The following FBXL7 variants were observed in gnomAD, a reference collection of about 807,000 sequenced individuals.
The protein encoded by FBXL7 is F-box and leucine rich repeat protein 7, also known as F-box/LRR-repeat protein 7.
FBXL7 carries 12 observed loss-of-function variants against 38.3 expected under a neutral mutation model. That is an observed-to-expected ratio of 0.31 (90% CI 0.20 to 0.51). The LOEUF (loss-of-function observed/expected upper bound fraction) is 0.51, where lower values mean the gene tolerates loss of function less well. Among genes scored for constraint, FBXL7 ranks in the 20% least tolerant of loss-of-function variants. FBXL7 has a pLI of 0.98. For synonymous variants in FBXL7, 297 were observed against 300.9 expected (o/e 0.99, Z 0.13); for missense variants, 567 against 676.4 (o/e 0.84, Z 1.79).
chr5:15,569,518 C>T (rs1414826653), intron 1 of FBXL7, among the ~76,000 whole-genome samples: 2 of 150,142 alleles, frequency 1.3e-5, no homozygotes, highest in African/African-American at 2.5e-5. Flanking sequence ...TCTAGATATA[C>T]AATCATGTCA....
rs892570233 is a variant in FBXL7 at position 15,939,426 on chromosome 5, G to A, written c.*2240G>A. Reference sequence around the variant, plus strand: ...AGATCCAGAGAATGAATCCCTGACCGCATCACCTAAACTGTCTTCCAAACA... The same window carrying A: ...AGATCCAGAGAATGAATCCCTGACCACATCACCTAAACTGTCTTCCAAACA... On this transcript the variant is annotated 3_prime_UTR_variant, in exon 4 of 4. Coordinates refer to ENST00000504595, the MANE Select transcript of FBXL7 (RefSeq NM_012304.5). 3 of 177,096 alleles carry A rather than the reference G, an allele frequency of 1.7e-5. No individual in the cohort carries two copies. The highest frequency in any genetic ancestry group is 1.4e-4 in the East Asian group (1 of 6,986). The allele number at this position is 177,096 out of a possible 1,614,324, so 11.0% of individuals were successfully genotyped here.
At chr5:15,659,102 A>T (rs1741977138) in intron 2 of FBXL7, among the ~76,000 whole-genome samples, 1 of 152,160 alleles carries the variant, frequency 6.6e-6, no homozygotes, top group South Asian at 2.1e-4. Flanking sequence ...TAAATTACAC[A>T]GTCTCGGATA....
intron 1 of FBXL7, among the ~76,000 whole-genome samples, chr5:15,576,971 A>C (rs1256063212): frequency 6.6e-6 from 1 of 152,228 alleles, no homozygotes; most frequent in Non-Finnish European, 1.5e-5. Context: ...CAAAGATTAA[A>C]ATTTTTTTAA....
intron 2 of FBXL7, among the ~76,000 whole-genome samples, chr5:15,789,821 C>G (rs1737227471): frequency 6.6e-6 from 1 of 152,188 alleles, no homozygotes. Flanking sequence ...GTAGGAAGAT[C>G]ATCACACCAG....
At chr5:15,776,195 C>T (rs1052598990) in intron 2 of FBXL7, among the ~76,000 whole-genome samples, 7 of 151,928 alleles carry the variant, frequency 4.6e-5, no homozygotes, top group African/African-American at 7.2e-5. Context: ...GGCCAACATT[C>T]GGATTAATAA....
At chr5:15,904,472 T>A in intron 2 of FBXL7, among the ~76,000 whole-genome samples, 1 of 152,206 alleles carries the variant, frequency 6.6e-6, no homozygotes, top group East Asian at 1.9e-4. Context: ...ATGGTTGGAA[T>A]GGGTTGCTTC....
chr5:15,789,146 A>G (rs1737209017), intron 2 of FBXL7, among the ~76,000 whole-genome samples: 2 of 152,216 alleles, frequency 1.3e-5, no homozygotes, highest in South Asian at 4.1e-4. Flanking sequence ...CACCATGCCC[A>G]GCCAATGGCA....
intron 2 of FBXL7, among the ~76,000 whole-genome samples, chr5:15,834,005 C>T (rs1026613652): frequency 1.3e-5 from 2 of 152,092 alleles, no homozygotes; most frequent in South Asian, 2.1e-4. Flanking sequence ...CTCTTTTTAC[C>T]ATCTAGGCAA....
At chr5:15,891,066 G>T (rs531223555) in intron 2 of FBXL7, among the ~76,000 whole-genome samples, 44 of 152,194 alleles carry the variant, frequency 2.9e-4, no homozygotes, top group African/African-American at 9.4e-4. Flanking sequence ...TTGTGGTATT[G>T]TTGGTGCCAT....
At chr5:15,930,485 T>G (rs1742010555) in intron 3 of FBXL7, among the ~76,000 whole-genome samples, 1 of 152,216 alleles carries the variant, frequency 6.6e-6, no homozygotes, top group African/African-American at 2.4e-5. Flanking sequence ...AATTGTACCC[T>G]CTTTTGGAGG....
At chr5:15,929,982 A>G (rs1219343384) in intron 3 of FBXL7, among the ~76,000 whole-genome samples, 4 of 152,120 alleles carry the variant, frequency 2.6e-5, no homozygotes, top group Non-Finnish European at 5.9e-5. Context: ...ACCCCAGCTA[A>G]AGCCGGCTCT....
intron 1 of FBXL7, among the ~76,000 whole-genome samples, chr5:15,533,753 A>G (rs949611204): frequency 6.6e-6 from 1 of 152,192 alleles, no homozygotes; most frequent in Non-Finnish European, 1.5e-5. Flanking sequence ...AGGCCAAAAT[A>G]TGATTAATGC....
intron 2 of FBXL7, among the ~76,000 whole-genome samples, chr5:15,863,745 G>C (rs994282960): frequency 1.3e-5 from 2 of 152,140 alleles, no homozygotes; most frequent in Non-Finnish European, 2.9e-5. Context: ...TTCTCACCCT[G>C]TTAGTTCACC....
chr5:15,640,081 T>C (rs1452594837), intron 2 of FBXL7, among the ~76,000 whole-genome samples: 2 of 152,222 alleles, frequency 1.3e-5, no homozygotes, highest in Middle Eastern at 3.2e-3. Context: ...GTGGTAAAGA[T>C]TGTTGTATTA....
chr5:15,721,532 C>T (rs1744193711), intron 2 of FBXL7, among the ~76,000 whole-genome samples: 2 of 152,066 alleles, frequency 1.3e-5, no homozygotes, highest in Admixed American at 1.3e-4. Context: ...TTCTCCCTCC[C>T]TCCCTTCCCC....
intron 2 of FBXL7, among the ~76,000 whole-genome samples, chr5:15,653,855 G>A (rs1204442679): frequency 6.6e-6 from 1 of 152,180 alleles, no homozygotes; most frequent in African/African-American, 2.4e-5. Flanking sequence ...CTGCACAGAA[G>A]CTACCAGTAA....
chr5:15,931,685 C>T (rs1035033500), intron 3 of FBXL7, among the ~76,000 whole-genome samples: 1 of 152,224 alleles, frequency 6.6e-6, no homozygotes, highest in African/African-American at 2.4e-5. Context: ...CAAATTTCAT[C>T]TCTTTCCTGC....
At chr5:15,605,523 C>T (rs1288479250) in intron 1 of FBXL7, among the ~76,000 whole-genome samples, 1 of 152,068 alleles carries the variant, frequency 6.6e-6, no homozygotes, top group African/African-American at 2.4e-5. Context: ...TATGAAATAT[C>T]TAGAACAGGC....
Position 15,779,488 on chromosome 5 carries a change from T to A in FBXL7, c.128-148402T>A, listed in dbSNP as rs185096383. ...ACTAGAGTACATAAATGAAATTTTT[T>A]AAAAAGCTATCAAAAAAAGAAATGG... On this transcript the variant is annotated intron_variant, in intron 2 of 3. Transcript: ENST00000504595. Among the ~76,000 whole-genome samples the A allele has an allele frequency of 3.8e-3, 577 of 152,160 alleles. 6 individuals are homozygous for A. Among genetic ancestry groups the A allele is most frequent in the African/African-American group, 0.013 (537 of 41,538 alleles).
Sources: gnomAD v4.1 joint callset for allele counts (sites outside exome capture counted in the v4.1 genomes callset) on GRCh38, gnomAD v4.1.1 for gene constraint, MANE v1.5 for transcripts, NCBI Gene and HGNC (gene_info 2026-07-23, HGNC 2026-07-21) for gene names.